Variants in EPN2 observed in about 807,000 individuals in gnomAD.
EPN2 encodes the protein epsin-2.
A neutral mutation model predicts 61.7 loss-of-function variants in EPN2; 34 were observed. The ratio of observed to expected loss-of-function variants is 0.55; its 90% CI spans 0.42 to 0.73. EPN2 has a LOEUF of 0.73. EPN2 is among the 30% of genes least tolerant of loss of function. EPN2 has a pLI of 0.00. For missense variants in EPN2, 714 were observed against 839.2 expected, an observed-to-expected ratio of 0.85 and a Z score of 1.84; for synonymous variants, 349 against 353.6, an observed-to-expected ratio of 0.99 and a Z score of 0.15.
At chr17:19,254,156 GAGAA>G (rs1333684351) in intron 1 of EPN2, among the ~76,000 whole-genome samples, 3 of 124,700 alleles carry the variant, frequency 2.4e-5, no homozygotes, top group East Asian at 2.8e-4. Context: ...GAGAGAGAAA[GAGAA>G]AGAAAGAAAA....
intron 1 of EPN2, among the ~76,000 whole-genome samples, chr17:19,259,117 G>T (rs1388949094): frequency 6.6e-6 from 1 of 152,048 alleles, no homozygotes; most frequent in African/African-American, 2.4e-5. Flanking sequence ...ATAACATAGC[G>T]GCTGCTGAAT....
chr17:19,259,147 AT>A (rs952319299), intron 1 of EPN2, among the ~76,000 whole-genome samples: 11 of 152,088 alleles, frequency 7.2e-5, no homozygotes, highest in Admixed American at 7.2e-4. Flanking sequence ...GAAATTTGTG[AT>A]TTTTTGAAAA....
intron 4 of EPN2, among the ~76,000 whole-genome samples, chr17:19,303,278 G>A (rs539638473): frequency 6.6e-6 from 1 of 152,294 alleles, no homozygotes; most frequent in South Asian, 2.1e-4. Context: ...GAAATTAGCA[G>A]CATCATCTCA....
At chr17:19,298,109 C>T (rs1020065979) in intron 4 of EPN2, among the ~76,000 whole-genome samples, 3 of 151,976 alleles carry the variant, frequency 2.0e-5, no homozygotes, top group Non-Finnish European at 2.9e-5. Flanking sequence ...CTCCTGACCT[C>T]GTGATCTGCC....
In EPN2 at chr17:19,335,615, A is replaced by T; in HGVS notation, c.*1361A>T. 1.5e-5 allele frequency: 8 copies of T among 533,904 alleles called. No homozygotes were observed. The highest frequency in any genetic ancestry group is 3.7e-5 in the Admixed American group (1 of 26,902). The allele number at this position is 533,904 out of a possible 1,614,324, so 33.1% of individuals were successfully genotyped here. On this transcript the variant is annotated 3_prime_UTR_variant, in exon 11 of 11. Coordinates refer to ENST00000314728, the MANE Select transcript of EPN2 (RefSeq NM_014964.5). ...TGGGCAACAGTCCCTAGGCTAAGAC[A>T]GGGGTGGGGGGCTAAGGGACCAGGG...
In EPN2 at chr17:19,252,729, C is replaced by T. The variant is rs116842441; in HGVS notation, c.-294+15198C>T. The stretch of plus-strand genomic sequence containing the variant: ...TGACTGAGATAGGGTCTTGCTCTGG[C>T]CCCAGATTGGAGTACAGTGGTGTGA... On this transcript the variant is annotated intron_variant, in intron 1 of 10. Transcript: ENST00000314728. Among the ~76,000 whole-genome samples the T allele has an allele frequency of 6.5e-3, 992 of 152,262 alleles. 53 individuals are homozygous for T. The East Asian group carries it at 0.12, about 18-fold the overall frequency.
intron 1 of EPN2, among the ~76,000 whole-genome samples, chr17:19,272,175 CT>C (rs1324729736): frequency 6.6e-6 from 1 of 152,204 alleles, no homozygotes; most frequent in Non-Finnish European, 1.5e-5. Context: ...CTCTGGTTGG[CT>C]TCATCGTCTC....
intron 4 of EPN2, chr17:19,306,023 G>T (rs1905823734): frequency 6.6e-6 from 1 of 152,242 alleles, no homozygotes; most frequent in Non-Finnish European, 1.5e-5. Context: ...GCCTTCCTGG[G>T]AGAAGGTCCG....
At chr17:19,292,298 C>T (rs2045473256) in intron 4 of EPN2, among the ~76,000 whole-genome samples, 1 of 152,170 alleles carries the variant, frequency 6.6e-6, no homozygotes, top group South Asian at 2.1e-4. Context: ...CAGGTATTTC[C>T]TAGTGTCAGG....
intron 1 of EPN2, among the ~76,000 whole-genome samples, chr17:19,252,075 G>C (rs1385846334): frequency 1.3e-5 from 2 of 152,104 alleles, no homozygotes; most frequent in Non-Finnish European, 2.9e-5. Context: ...TCATGTTGCT[G>C]CTGCTCAAGA....
chr17:19,269,877 A>G (rs1289634515), intron 1 of EPN2, among the ~76,000 whole-genome samples: 1 of 152,214 alleles, frequency 6.6e-6, no homozygotes, highest in Non-Finnish European at 1.5e-5. Flanking sequence ...AGTTGTTTCC[A>G]TGCCATCTTT....
At chr17:19,272,117 G>A (rs1240348080) in intron 1 of EPN2, among the ~76,000 whole-genome samples, 1 of 152,208 alleles carries the variant, frequency 6.6e-6, no homozygotes, top group South Asian at 2.1e-4. Context: ...CCTGTCCTGT[G>A]GGGTGGGGGT....
intron 4 of EPN2, among the ~76,000 whole-genome samples, chr17:19,305,501 AT>A (rs2152228865): frequency 6.6e-6 from 1 of 152,312 alleles, no homozygotes; most frequent in African/African-American, 2.4e-5. Flanking sequence ...AGGCTTTTTA[AT>A]CAGCACTATG....
intron 1 of EPN2, among the ~76,000 whole-genome samples, chr17:19,260,073 A>T (rs2045124424): frequency 6.6e-6 from 1 of 152,196 alleles, no homozygotes; most frequent in Non-Finnish European, 1.5e-5. Context: ...CTCTCTGCAG[A>T]CAGGGACTGT....
chr17:19,286,197 A>G (rs1264748802), intron 4 of EPN2, among the ~76,000 whole-genome samples: 1 of 152,230 alleles, frequency 6.6e-6, no homozygotes, highest in Non-Finnish European at 1.5e-5. Context: ...ACACCAGACA[A>G]ATATAAGATC....
chr17:19,295,314 G>T (rs73291277), intron 4 of EPN2, among the ~76,000 whole-genome samples: 2,102 of 150,562 alleles, frequency 0.014, 35 homozygotes, highest in South Asian at 0.067. Context: ...CCTTGCCAAC[G>T]CAGTGAAACC....
At chr17:19,325,482 TGTG>T (rs1193004283) in intron 7 of EPN2, among the ~76,000 whole-genome samples, 5 of 148,300 alleles carry the variant, frequency 3.4e-5, no homozygotes, top group Non-Finnish European at 7.4e-5. Context: ...ACAGAAAACA[TGTG>T]GTCATCTTAG....
Position 19,332,018 on chromosome 17 carries a change from T to C in EPN2, c.1577T>C (p.Val526Ala), listed in dbSNP as rs773198777. The C allele has an allele frequency of 4.6e-5, 75 of 1,613,406 alleles. No individual in the cohort carries two copies. The highest frequency in any genetic ancestry group is 5.8e-5 in the Non-Finnish European group (69 of 1,180,014). ...GCCCTGGTGAACCTGGACTCACTGGTGACCAGGCCTGCCCCACCAGCCCAG... is the reference window on the plus strand; with the variant it reads ...GCCCTGGTGAACCTGGACTCACTGGCGACCAGGCCTGCCCCACCAGCCCAG... ...NAALVNLDSL[V>A]TRPAPPAQSL... Residue 526 changes from valine (V) to alanine (A), a missense_variant, in exon 10 of 11, where the codon GTG (valine) becomes GCG (alanine). Physicochemically the swap from Val to Ala is moderately conservative, Grantham distance 64 (BLOSUM62 0). This residue lies in a region of EPN2 where 410 missense variants were observed against 421.8 expected (regional missense o/e 0.97). Coordinates refer to ENST00000314728, the MANE Select transcript of EPN2 (RefSeq NM_014964.5).
chr17:19,249,389 C>T (rs2044988209), intron 1 of EPN2: 1 of 152,242 alleles, frequency 6.6e-6, no homozygotes, highest in Non-Finnish European at 1.5e-5. Flanking sequence ...ATGTTCCCTC[C>T]TCTACTCCAG....
Sources: gnomAD v4.1 joint callset for allele counts (sites outside exome capture counted in the v4.1 genomes callset) on GRCh38, gnomAD v4.1.1 for gene constraint, gnomAD v4.1.1 regional missense constraint, MANE v1.5 for transcripts, NCBI Gene and HGNC (gene_info 2026-07-23, HGNC 2026-07-21) for gene names.